Variants in TNIK observed in about 807,000 individuals in gnomAD.
TNIK encodes TRAF2 and NCK interacting kinase.
Under a neutral mutation model 191.3 loss-of-function variants are expected in TNIK, and 49 were observed. The ratio of observed to expected loss-of-function variants is 0.26; its 90% CI spans 0.20 to 0.32. The LOEUF (loss-of-function observed/expected upper bound fraction) is 0.32, where lower values mean the gene tolerates loss of function less well. Among genes scored for constraint, TNIK ranks in the 10% least tolerant of loss-of-function variants. TNIK has a pLI of 1.00. For missense variants in TNIK, 1,155 were observed against 1,702.3 expected (o/e 0.68, Z 5.66); for synonymous variants, 594 against 600.9 (o/e 0.99, Z 0.17).
At chr3:171,455,084 T>C (rs1270569809) in intron 1 of TNIK, among the ~76,000 whole-genome samples, 1 of 152,178 alleles carries the variant, frequency 6.6e-6, no homozygotes, top group Non-Finnish European at 1.5e-5. Context: ...TCATATGTAA[T>C]GAATGCTTAA....
intron 1 of TNIK, among the ~76,000 whole-genome samples, chr3:171,372,293 A>C (rs373230397): frequency 7.2e-5 from 11 of 152,256 alleles, no homozygotes; most frequent in African/African-American, 2.7e-4. Context: ...CCTCAGAAGT[A>C]AAGTTCAGAG....
intron 2 of TNIK, among the ~76,000 whole-genome samples, chr3:171,301,475 T>G (rs1752872067): frequency 1.3e-5 from 2 of 152,076 alleles, no homozygotes; most frequent in African/African-American, 4.8e-5. Flanking sequence ...CCGCCATGCC[T>G]GGCCAATTTT....
At chr3:171,259,178 T>A (rs1747279431) in intron 2 of TNIK, among the ~76,000 whole-genome samples, 1 of 152,124 alleles carries the variant, frequency 6.6e-6, no homozygotes, top group African/African-American at 2.4e-5. Flanking sequence ...ACTTTATAAA[T>A]GTTGGGGGAA....
In TNIK at chr3:171,130,011, C is replaced by T. The variant is rs542009084; in HGVS notation, c.1609-1133G>A. Among the ~76,000 whole-genome samples, 139 of 152,290 alleles carry T rather than the reference C, an allele frequency of 9.1e-4. 1 individual carries two copies. Among genetic ancestry groups the T allele is most frequent in the Admixed American group, 6.0e-3 (92 of 15,304 alleles). The stretch of plus-strand genomic sequence containing the variant: ...CAACCATTCTCCCCACACTGATGGC[C>T]TTTACAGTGAGCCCTTAATTCTCTT... On this transcript the variant is annotated intron_variant, in intron 15 of 32. Transcript: ENST00000436636.
intron 4 of TNIK, among the ~76,000 whole-genome samples, chr3:171,205,247 T>A (rs1739912486): frequency 6.6e-6 from 1 of 152,238 alleles, no homozygotes. Flanking sequence ...CTTTCTTGAT[T>A]TGTCACCACA....
At chr3:171,088,884 CAG>C (rs1246088107) in intron 23 of TNIK, among the ~76,000 whole-genome samples, 1 of 152,206 alleles carries the variant, frequency 6.6e-6, no homozygotes, top group Non-Finnish European at 1.5e-5. Flanking sequence ...TTCATCAACA[CAG>C]TATTTTTTAG....
intron 22 of TNIK, among the ~76,000 whole-genome samples, chr3:171,097,543 C>G (rs56872451): frequency 0.14 from 21,846 of 152,108 alleles, 1,987 homozygotes; most frequent in African/African-American, 0.25. Context: ...GGTTTTTCCT[C>G]TGCTGTTCTT....
At chr3:171,360,124 C>A (rs1714757771) in intron 2 of TNIK, among the ~76,000 whole-genome samples, 1 of 152,184 alleles carries the variant, frequency 6.6e-6, no homozygotes. Flanking sequence ...ATGTCCATCC[C>A]TAACAGAAAA....
intron 2 of TNIK, among the ~76,000 whole-genome samples, chr3:171,269,289 C>T (rs1012915007): frequency 1.3e-5 from 2 of 152,142 alleles, no homozygotes; most frequent in Non-Finnish European, 2.9e-5. Context: ...TGAATAAATA[C>T]ATTATACCAT....
At chr3:171,118,924 C>A (rs1312207585) in intron 18 of TNIK, among the ~76,000 whole-genome samples, 5 of 152,082 alleles carry the variant, frequency 3.3e-5, no homozygotes, top group South Asian at 4.1e-4. Context: ...GCAACAAAAG[C>A]CAAAATTGAC....
intron 1 of TNIK, among the ~76,000 whole-genome samples, chr3:171,372,070 T>G (rs1050071887): frequency 6.6e-6 from 1 of 152,102 alleles, no homozygotes; most frequent in Admixed American, 6.5e-5. Context: ...AGCTTCTACA[T>G]CCAAAGGTCA....
intron 2 of TNIK, among the ~76,000 whole-genome samples, chr3:171,312,128 AAAAAAAAAAAAAAG>A (rs1162500652): frequency 2.0e-5 from 3 of 147,088 alleles, no homozygotes; most frequent in South Asian, 2.2e-4. Context: ...AAAAAAAAAA[AAAAAAAAAAAAAAG>A]GGCTAGACTG....
chr3:171,077,210 A>C (rs1404646387), intron 28 of TNIK, among the ~76,000 whole-genome samples: 2 of 151,834 alleles, frequency 1.3e-5, no homozygotes, highest in Non-Finnish European at 2.9e-5. Flanking sequence ...TCTTGGAGGC[A>C]TCTTTCCTGG....
rs181330515 is a variant in TNIK at position 171,125,580 on chromosome 3, C to G, written c.2013+332G>C. On this transcript the variant is annotated intron_variant, in intron 17 of 32. Transcript: ENST00000436636. ...GTTTTCAATTGTCTTGATGTAGATT[C>G]AGTCATCAATGAAATATCCATTACT... is the stretch of plus-strand genomic sequence containing the variant. 1.4e-4 allele frequency among the ~76,000 whole-genome samples: 22 copies of G among 152,328 alleles called. No individual in the cohort carries two copies. The East Asian group carries it at 2.9e-3, about 20-fold the overall frequency.
At chr3:171,317,200 C>T (rs1039244190) in intron 2 of TNIK, among the ~76,000 whole-genome samples, 4 of 151,896 alleles carry the variant, frequency 2.6e-5, no homozygotes, top group African/African-American at 7.3e-5. Context: ...GCAGTTGTTC[C>T]GGGTCAGGCC....
At chr3:171,342,753 C>T (rs1182535101) in intron 2 of TNIK, among the ~76,000 whole-genome samples, 2 of 152,198 alleles carry the variant, frequency 1.3e-5, no homozygotes, top group East Asian at 3.8e-4. Context: ...TATGCAGTTA[C>T]TCTATCCTTG....
chr3:171,343,267 C>T (rs1405784080), intron 2 of TNIK, among the ~76,000 whole-genome samples: 1 of 152,134 alleles, frequency 6.6e-6, no homozygotes, highest in African/African-American at 2.4e-5. Flanking sequence ...ACAGGGATAA[C>T]TCATTTTGAT....
chr3:171,110,316 T>C (rs986090107), intron 19 of TNIK, among the ~76,000 whole-genome samples: 2 of 152,260 alleles, frequency 1.3e-5, no homozygotes, highest in Non-Finnish European at 2.9e-5. Context: ...ACTGTGTATA[T>C]GAACTATGTT....
chr3:171,388,150 AC>A (rs990848008), intron 1 of TNIK, among the ~76,000 whole-genome samples: 1 of 152,230 alleles, frequency 6.6e-6, no homozygotes, highest in Non-Finnish European at 1.5e-5. Context: ...AGTACTCAAT[AC>A]AAAGACTGGC....
Sources: gnomAD v4.1 joint callset for allele counts (sites outside exome capture counted in the v4.1 genomes callset) on GRCh38, gnomAD v4.1.1 for gene constraint, MANE v1.5 for transcripts, NCBI Gene and HGNC (gene_info 2026-07-23, HGNC 2026-07-21) for gene names.